ATP9B: variants seen among roughly 807,000 people sequenced by gnomAD.
The protein encoded by ATP9B is probable phospholipid-transporting ATPase IIB.
In ATP9B, 110 loss-of-function variants were observed where a neutral mutation model predicts 146.1. That is an observed-to-expected ratio of 0.75 (90% CI 0.65 to 0.88). The LOEUF (loss-of-function observed/expected upper bound fraction) is 0.88, where lower values mean the gene tolerates loss of function less well. Among genes scored for constraint, ATP9B ranks in the 40% least tolerant of loss-of-function variants. The pLI, the probability that ATP9B is intolerant of heterozygous loss-of-function variation, is 0.00. For missense variants in ATP9B, 1,499 were observed against 1,496.4 expected, an observed-to-expected ratio of 1.00 and a Z score of -0.03; for synonymous variants, 604 against 569.7, an observed-to-expected ratio of 1.06 and a Z score of -0.86.
chr18:79,171,326 C>T (rs768063376), intron 7 of ATP9B, among the ~76,000 whole-genome samples: 1 of 152,020 alleles, frequency 6.6e-6, no homozygotes, highest in Non-Finnish European at 1.5e-5. Context: ...AAGCAATTCA[C>T]TCGTGAAATA....
In ATP9B at chr18:79,377,377, C is replaced by T. The variant is rs1436982034; in HGVS notation, c.3438C>T (p.Ala1146=). ...CTCCTCCCAGCTACTGCAAGCTGGC[C>T]TCCTAAGGGGCTGTGCACCCCCAGC... The part of the protein sequence containing the change: ...KLSPPSYCKL[A]S The change falls in exon 30 of 30, where the codon GCC becomes GCT. Residue 1146 remains alanine, a synonymous_variant. Transcript: ENST00000426216. 12 of 1,607,738 alleles carry T rather than the reference C, an allele frequency of 7.5e-6. No homozygotes were observed. The highest frequency in any genetic ancestry group is 1.0e-5 in the Non-Finnish European group (12 of 1,179,990).
chr18:79,335,931 T>A (rs898599769), intron 17 of ATP9B, among the ~76,000 whole-genome samples: 2 of 152,114 alleles, frequency 1.3e-5, no homozygotes, highest in Non-Finnish European at 2.9e-5. Context: ...TCTAAATCCA[T>A]GGTATTACAA....
intron 7 of ATP9B, among the ~76,000 whole-genome samples, chr18:79,171,049 A>G (rs1206421642): frequency 6.6e-6 from 1 of 152,194 alleles, no homozygotes; most frequent in Non-Finnish European, 1.5e-5. Context: ...TAATGAGCAT[A>G]TTTTGTTTAG....
chr18:79,228,846 G>A (rs965045932), intron 11 of ATP9B, among the ~76,000 whole-genome samples: 1 of 152,048 alleles, frequency 6.6e-6, no homozygotes, highest in African/African-American at 2.4e-5. Context: ...GCAACATGGC[G>A]AAACCCTGTC....
At chr18:79,297,389 TGACCCAGAGAG>T (rs1320444355) in intron 13 of ATP9B, among the ~76,000 whole-genome samples, 1 of 151,032 alleles carries the variant, frequency 6.6e-6, no homozygotes, top group Non-Finnish European at 1.5e-5. Flanking sequence ...AGAAGACAGA[TGACCCAGAGAG>T]GAGACACAGA....
chr18:79,118,748 A>G (rs1232952035), intron 4 of ATP9B, among the ~76,000 whole-genome samples: 1 of 151,290 alleles, frequency 6.6e-6, no homozygotes, highest in Non-Finnish European at 1.5e-5. Flanking sequence ...CTTTTTTTCT[A>G]TTCATAGCTT....
In ATP9B at chr18:79,141,179, G is replaced by A. The variant is rs2094509200; in HGVS notation, c.668-2623G>A. 2.6e-5 allele frequency among the ~76,000 whole-genome samples: 4 copies of A among 152,254 alleles called. No homozygotes were observed. In the South Asian group the frequency reaches 8.3e-4, roughly 32 times the overall value. On this transcript the variant is annotated intron_variant, in intron 5 of 29. Coordinates refer to ENST00000426216, the MANE Select transcript of ATP9B (RefSeq NM_198531.5). ...GTTGTGATAGTGGGTGAGTTCTCAC[G>A]AGATCTGATGGTTTTATAAGGGGCT...
chr18:79,167,885 T>C (rs535584291), intron 7 of ATP9B, among the ~76,000 whole-genome samples: 1 of 144,978 alleles, frequency 6.9e-6, no homozygotes, highest in South Asian at 2.2e-4. Context: ...CAACATGCCA[T>C]GTATGGTTCC....
At chr18:79,276,921 C>A in intron 12 of ATP9B, 133 bp from the exon 13 acceptor site, 1 of 1,405,138 alleles carries the variant, frequency 7.1e-7, no homozygotes, top group Non-Finnish European at 9.9e-7. Flanking sequence ...TTTTATCTGG[C>A]AGTTTGGGTA....
chr18:79,329,417 TACA>T, intron 16 of ATP9B, 115 bp downstream of exon 16: 1 of 1,220,254 alleles, frequency 8.2e-7, no homozygotes, highest in Non-Finnish European at 1.1e-6. Flanking sequence ...TTTATGCTGT[TACA>T]GTTTTGTTTG....
At chr18:79,209,065 G>A (rs549462998) in intron 10 of ATP9B, among the ~76,000 whole-genome samples, 5 of 152,356 alleles carry the variant, frequency 3.3e-5, no homozygotes, top group African/African-American at 9.6e-5. Flanking sequence ...AGTGTGGTCA[G>A]TGCTGGCCTG....
chr18:79,257,268 C>G (rs951569692), intron 12 of ATP9B, among the ~76,000 whole-genome samples: 1 of 152,176 alleles, frequency 6.6e-6, no homozygotes, highest in African/African-American at 2.4e-5. Context: ...CCACTGCACT[C>G]CAGCCTGGGC....
In ATP9B at chr18:79,347,944, T is replaced by C; in HGVS notation, c.2838+19T>C. 1 of 1,608,374 alleles carries C rather than the reference T, an allele frequency of 6.2e-7. No homozygotes were observed. The highest frequency in any genetic ancestry group is 1.7e-4 in the Middle Eastern group (1 of 6,026). On this transcript the variant is annotated intron_variant, in intron 24 of 29. Coordinates refer to ENST00000426216, the MANE Select transcript of ATP9B (RefSeq NM_198531.5). ...CATGCAGGTACTAAGCCTTCTGTGC[T>C]GGCACCCATGGAGGGCAGGGTCCAG...
intron 17 of ATP9B, among the ~76,000 whole-genome samples, chr18:79,332,157 C>T (rs558948179): frequency 2.6e-5 from 4 of 152,274 alleles, no homozygotes; most frequent in Admixed American, 6.5e-5. Context: ...GGGCTGGGTA[C>T]GGTGGCTTAC....
intron 7 of ATP9B, among the ~76,000 whole-genome samples, chr18:79,162,882 C>T (rs1052375899): frequency 7.9e-5 from 12 of 152,138 alleles, no homozygotes; most frequent in African/African-American, 2.2e-4. Flanking sequence ...ACTCGTGCTC[C>T]GACGGTGTCC....
intron 1 of ATP9B, among the ~76,000 whole-genome samples, chr18:79,083,992 G>A (rs889024869): frequency 4.0e-5 from 6 of 151,426 alleles, no homozygotes; most frequent in Non-Finnish European, 7.4e-5. Context: ...CCAAGTAGCT[G>A]GCACTACAGG....
intron 6 of ATP9B, among the ~76,000 whole-genome samples, chr18:79,144,533 A>G (rs2094553590): frequency 1.3e-5 from 2 of 152,154 alleles, no homozygotes; most frequent in South Asian, 4.1e-4. Context: ...TGAGAATCTA[A>G]TGCTGCTGCT....
At chr18:79,212,023 CAT>C (rs1600521081) in intron 10 of ATP9B, among the ~76,000 whole-genome samples, 1 of 152,344 alleles carries the variant, frequency 6.6e-6, no homozygotes, top group East Asian at 1.9e-4. Context: ...GTTGCCCTCT[CAT>C]GTCTCATTTC....
At chr18:79,303,533 A>C in intron 13 of ATP9B, 71 bp from the exon 14 acceptor site, 1 of 1,231,610 alleles carries the variant, frequency 8.1e-7, no homozygotes, top group Non-Finnish European at 1.2e-6. Flanking sequence ...GCATGCCTGC[A>C]TGGTAGGAAA....
Sources: allele counts gnomAD v4.1 joint callset (sites outside exome capture counted in the v4.1 genomes callset), GRCh38; gene constraint gnomAD v4.1.1; transcripts MANE v1.5; gene names NCBI Gene and HGNC (gene_info 2026-07-23, HGNC 2026-07-21).